The following APPL2 variants were observed in gnomAD, a reference collection of about 807,000 sequenced individuals.
The protein encoded by APPL2 is adaptor protein, phosphotyrosine interacting with PH domain and leucine zipper 2.
In APPL2, 84 loss-of-function variants were observed where a neutral mutation model predicts 92.7. The observed-to-expected ratio is 0.91, with a 90% CI of 0.76 to 1.09. The LOEUF (loss-of-function observed/expected upper bound fraction) is 1.09. Among genes scored for constraint, APPL2 ranks in the 50% least tolerant of loss-of-function variants. The pLI, the probability that APPL2 is intolerant of heterozygous loss-of-function variation, is 0.00. For synonymous variants in APPL2, 291 were observed against 291.0 expected (o/e 1.00, Z 0.00); for missense variants, 736 against 824.5 (o/e 0.89, Z 1.31).
At chr12:105,233,010 C>T (rs1041842747) in intron 1 of APPL2, 46 of 826,336 alleles carry the variant, frequency 5.6e-5, no homozygotes, top group Middle Eastern at 1.2e-3. Context: ...TTATGCCAAT[C>T]GCAAAAGAAA....
chr12:105,184,628 C>A (rs531473837), intron 17 of APPL2, among the ~76,000 whole-genome samples: 50 of 152,340 alleles, frequency 3.3e-4, no homozygotes, highest in African/African-American at 1.2e-3. Flanking sequence ...CCTCTGGAAG[C>A]TTCATCCCAG....
intron 17 of APPL2, among the ~76,000 whole-genome samples, chr12:105,183,521 A>T (rs143344429): frequency 0.056 from 8,504 of 152,220 alleles, 796 homozygotes; most frequent in African/African-American, 0.19. Context: ...TATGAAGCTT[A>T]GTTTGGCTGG....
intron 20 of APPL2, 57 bp from the exon 21 acceptor site, chr12:105,174,505 C>T: frequency 6.4e-7 from 1 of 1,555,060 alleles, no homozygotes; most frequent in Non-Finnish European, 8.7e-7. Flanking sequence ...GCATTTAAAC[C>T]CCTTTGGCCT....
intron 4 of APPL2, among the ~76,000 whole-genome samples, chr12:105,214,324 G>C (rs935994614): frequency 1.3e-5 from 2 of 152,172 alleles, no homozygotes; most frequent in Non-Finnish European, 2.9e-5. Context: ...CTGGGGTTTC[G>C]ACAACTAACC....
chr12:105,231,094 T>C (rs910717653), intron 1 of APPL2, among the ~76,000 whole-genome samples: 3 of 152,244 alleles, frequency 2.0e-5, no homozygotes, highest in Non-Finnish European at 4.4e-5. Flanking sequence ...TAAACAAAAA[T>C]TGTGGTTGTG....
chr12:105,217,579 T>A (rs1273554851), intron 3 of APPL2, 87 bp downstream of exon 3: 1 of 1,254,508 alleles, frequency 8.0e-7, no homozygotes, highest in African/African-American at 1.5e-5. Context: ...AACAAATAAT[T>A]TAGGTCTCTA....
chr12:105,181,137 A>G (rs549664841), intron 17 of APPL2, among the ~76,000 whole-genome samples: 36 of 152,302 alleles, frequency 2.4e-4, no homozygotes, highest in Middle Eastern at 3.4e-3. Flanking sequence ...ATGTTCCATC[A>G]ATACCTAGTT....
At chr12:105,181,591 G>T (rs1210313392) in intron 17 of APPL2, among the ~76,000 whole-genome samples, 1 of 152,102 alleles carries the variant, frequency 6.6e-6, no homozygotes, top group Admixed American at 6.5e-5. Context: ...ATCTGGTCCT[G>T]GGCTTTTTTT....
intron 13 of APPL2, 24 bp from the exon 14 acceptor site, chr12:105,195,373 C>G (rs1220972125): frequency 6.2e-7 from 1 of 1,614,198 alleles, no homozygotes. Context: ...GGAAGACACA[C>G]TCAGTCCCAG....
At chr12:105,199,271 A>G (rs2135973889) in intron 10 of APPL2, 102 bp downstream of exon 10, 1 of 1,394,666 alleles carries the variant, frequency 7.2e-7, no homozygotes, top group Admixed American at 2.1e-5. Context: ...AGTCTCACCC[A>G]CCCACCTCCC....
rs1401149077 is a variant in APPL2 at position 105,229,113 on chromosome 12, GT to G, written c.153+11del. The G allele has an allele frequency of 6.2e-7, 1 of 1,606,856 alleles. No homozygotes were observed. Among genetic ancestry groups the G allele is most frequent in the Non-Finnish European group, 8.5e-7 (1 of 1,176,312 alleles). On this transcript the variant is annotated intron_variant, in intron 2 of 20. Transcript: ENST00000258530. ...CCACTCTGCGGTATCCAGGTGAGGG[GT>G]GGCAGCATACCTGGGCTCCATAGAC...
intron 3 of APPL2, 104 bp from the exon 4 acceptor site, chr12:105,217,244 C>T (rs1889765951): frequency 1.4e-6 from 1 of 700,752 alleles, no homozygotes; most frequent in Admixed American, 2.8e-5. Context: ...GTCCTTTCTT[C>T]TCCAAGAGCA....
intron 20 of APPL2, among the ~76,000 whole-genome samples, chr12:105,174,839 T>C (rs1885344969): frequency 6.8e-6 from 1 of 147,712 alleles, no homozygotes; most frequent in Non-Finnish European, 1.5e-5. Flanking sequence ...CGGCCATTTA[T>C]TTACATACTG....
chr12:105,209,197 G>C (rs1417374790), intron 5 of APPL2, among the ~76,000 whole-genome samples: 1 of 152,106 alleles, frequency 6.6e-6, no homozygotes, highest in Non-Finnish European at 1.5e-5. Context: ...GTTGGTGAGT[G>C]AATAAAGGCC....
chr12:105,188,372 A>G lies in APPL2; in HGVS notation c.1535T>C (p.Val512Ala). 2 of 1,614,236 alleles carry G rather than the reference A, an allele frequency of 1.2e-6. No homozygotes were observed. The highest frequency in any genetic ancestry group is 2.2e-5 in the South Asian group (2 of 91,092). The stretch of plus-strand genomic sequence containing the variant: ...TACTTGTCTCATCGCTTCATAAATC[A>G]CTTCAGTAGTGCTGTCTGTTTTAAC... ...MAVKTDSTTE[V>A]IYEAMRQVLA... Residue 512 changes from valine to alanine, a missense_variant, in exon 17 of 21, where the codon GTG becomes GCG. Coordinates refer to ENST00000258530, the MANE Select transcript of APPL2 (RefSeq NM_018171.5).
chr12:105,193,855 T>C (rs567520928), intron 14 of APPL2, among the ~76,000 whole-genome samples: 3 of 152,346 alleles, frequency 2.0e-5, no homozygotes, highest in Non-Finnish European at 2.9e-5. Context: ...AGGTACAGAA[T>C]AGTCTTCCCT....
rs185692201 is a variant in APPL2, at chr12:105,195,456, C to T, written c.1141G>A (p.Asp381Asn). Residue 381 changes from aspartate (D) to asparagine (N), a missense_variant, in exon 13 of 21, where the codon GAC (aspartate) becomes AAC (asparagine). Transcript: ENST00000258530. The part of the protein sequence containing the change: ...NNISRQIYLT[D>N]NPEAVAIKLN... ...TGGCTGATAATTACCTCAGGGTTGT[C>T]GGTCAGGTAGATCTGTCTGGAGATG... 1.4e-5 allele frequency: 22 copies of T among 1,614,050 alleles called. No homozygotes were observed. The East Asian group carries it at 1.6e-4, about 11-fold the overall frequency.
At chr12:105,208,800 A>G (rs1888976896) in intron 5 of APPL2, among the ~76,000 whole-genome samples, 1 of 152,218 alleles carries the variant, frequency 6.6e-6, no homozygotes, top group African/African-American at 2.4e-5. Flanking sequence ...AAGACCAAAA[A>G]TCCAAAAAGA....
At chr12:105,179,019 ATACATGTGCAGAACGTGCAGGTTTGT>A (rs2135890024) in intron 17 of APPL2, among the ~76,000 whole-genome samples, 1 of 152,220 alleles carries the variant, frequency 6.6e-6, no homozygotes, top group Non-Finnish European at 1.5e-5. Context: ...AAGTTCTGAG[ATACATGTGCAGAACGTGCAGGTTTGT>A]TACATAGGTA....
Sources: allele counts gnomAD v4.1 joint callset (sites outside exome capture counted in the v4.1 genomes callset), GRCh38; gene constraint gnomAD v4.1.1; transcripts MANE v1.5; gene names NCBI Gene and HGNC (gene_info 2026-07-23, HGNC 2026-07-21).